LPP: variants seen among roughly 807,000 people sequenced by gnomAD.
LPP encodes the protein LIM domain containing preferred translocation partner in lipoma.
A neutral mutation model predicts 60.4 loss-of-function variants in LPP; 38 were observed. That is an observed-to-expected ratio of 0.63 (90% confidence interval 0.49 to 0.83). The LOEUF (loss-of-function observed/expected upper bound fraction) is 0.83, where lower values mean the gene tolerates loss of function less well. Ranked by LOEUF, LPP falls within the 40% of genes least tolerant of loss-of-function variation. LPP has a pLI of 0.00. For missense variants in LPP, 902 were observed against 783.6 expected (o/e 1.15, Z -1.80); for synonymous variants, 328 against 290.8 (o/e 1.13, Z -1.30).
chr3:188,448,058 A>AT (rs1473120150), intron 4 of LPP, among the ~76,000 whole-genome samples: 1 of 152,192 alleles, frequency 6.6e-6, no homozygotes, highest in African/African-American at 2.4e-5. Context: ...TATAAAGATA[A>AT]TTTTTATAAC....
chr3:188,230,773 C>CAA (rs760774253), intron 2 of LPP, among the ~76,000 whole-genome samples: 142 of 106,478 alleles, frequency 1.3e-3, no homozygotes, highest in Non-Finnish European at 2.0e-3. Flanking sequence ...AACTCTGTCT[C>CAA]AAAAAAAAAA....
chr3:188,850,103 T>C (rs1330410794), intron 9 of LPP, among the ~76,000 whole-genome samples: 1 of 152,218 alleles, frequency 6.6e-6, no homozygotes, highest in African/African-American at 2.4e-5. Flanking sequence ...GAATGAAGTT[T>C]TTAGTTTTTA....
chr3:188,388,107 C>G (rs567981144), intron 3 of LPP, among the ~76,000 whole-genome samples: 3 of 151,916 alleles, frequency 2.0e-5, no homozygotes, highest in Non-Finnish European at 4.4e-5. Flanking sequence ...TGAGTACTTT[C>G]CAATCTTTAG....
chr3:188,552,886 A>T (rs1438104210), intron 6 of LPP, among the ~76,000 whole-genome samples: 1 of 152,144 alleles, frequency 6.6e-6, no homozygotes, highest in Non-Finnish European at 1.5e-5. Context: ...GAGTGTGTAC[A>T]TTCTTGGCGG....
At chr3:188,153,431 T>C (rs952666388), upstream of LPP, 1 of 152,318 alleles carries the variant, frequency 6.6e-6, no homozygotes, top group Non-Finnish European at 1.5e-5. Flanking sequence ...GGGGATTTCA[T>C]GGCTGGATCT....
Position 188,651,957 on chromosome 3 carries a change from T to G in LPP, c.1113+42113T>G, listed in dbSNP as rs536175832. On this transcript the variant is annotated intron_variant, in intron 7 of 11. Coordinates refer to ENST00000617246, the MANE Select transcript of LPP (RefSeq NM_001375462.1). ...TTATCTCCATTTTATTAGTATTTCT[T>G]AAAAGGCTTCATCAAAGCAGTTAAA... Among the ~76,000 whole-genome samples, 3 of 152,224 alleles carry G rather than the reference T, an allele frequency of 2.0e-5. No individual in the cohort carries two copies. In the East Asian group the frequency reaches 5.8e-4, roughly 29 times the overall value.
At chr3:188,464,219 T>A (rs1015596079) in intron 4 of LPP, among the ~76,000 whole-genome samples, 20 of 152,304 alleles carry the variant, frequency 1.3e-4, no homozygotes, top group Admixed American at 1.2e-3. Flanking sequence ...TAGCAAAATA[T>A]TTTTTGGATG....
intron 6 of LPP, among the ~76,000 whole-genome samples, chr3:188,589,663 A>G (rs1222255605): frequency 6.6e-6 from 1 of 152,222 alleles, no homozygotes; most frequent in African/African-American, 2.4e-5. Flanking sequence ...TTACCACTGA[A>G]AACTTGCGAG....
intron 9 of LPP, among the ~76,000 whole-genome samples, chr3:188,779,533 T>C (rs1198714479): frequency 2.6e-5 from 4 of 151,988 alleles, no homozygotes; most frequent in African/African-American, 9.7e-5. Context: ...ACGTGAGCAG[T>C]TTACAAAAGA....
At chr3:188,425,742 G>A (rs1789131893) in intron 4 of LPP, among the ~76,000 whole-genome samples, 1 of 152,094 alleles carries the variant, frequency 6.6e-6, no homozygotes, top group African/African-American at 2.4e-5. Flanking sequence ...GCATATAGGT[G>A]TTTATGGTAT....
At chr3:188,487,673 G>A (rs1023895842) in intron 5 of LPP, among the ~76,000 whole-genome samples, 1 of 152,184 alleles carries the variant, frequency 6.6e-6, no homozygotes, top group Admixed American at 6.5e-5. Context: ...TGTGATAGCG[G>A]CTTGGTCCTG....
intron 5 of LPP, among the ~76,000 whole-genome samples, chr3:188,509,111 C>A (rs1284958800): frequency 1.3e-5 from 2 of 152,126 alleles, no homozygotes; most frequent in Non-Finnish European, 2.9e-5. Flanking sequence ...TATCTTTGGC[C>A]ACCAAAATCT....
At chr3:188,850,784 G>T (rs576140371) in intron 9 of LPP, among the ~76,000 whole-genome samples, 1 of 152,294 alleles carries the variant, frequency 6.6e-6, no homozygotes, top group Admixed American at 6.5e-5. Context: ...TGCCTGGAGT[G>T]CTGAGTTCAG....
chr3:188,508,236 G>A (rs898221723), intron 5 of LPP, among the ~76,000 whole-genome samples: 1 of 152,158 alleles, frequency 6.6e-6, no homozygotes, highest in Admixed American at 6.5e-5. Flanking sequence ...GCAGGATTGT[G>A]ACTTTCTTCA....
At chr3:188,321,054 T>C (rs9831426) in intron 2 of LPP, among the ~76,000 whole-genome samples, 19,899 of 152,268 alleles carry the variant, frequency 0.13, 1,671 homozygotes, top group East Asian at 0.34. Flanking sequence ...GCCATCACAG[T>C]GTCCTGCAGT....
intron 1 of LPP, among the ~76,000 whole-genome samples, chr3:188,212,182 C>T (rs376394083): frequency 1.6e-4 from 24 of 152,238 alleles, no homozygotes; most frequent in African/African-American, 4.1e-4. Context: ...TTGAGACTCA[C>T]CTGCCATCAT....
chr3:188,207,433 G>A (rs1236708541), intron 1 of LPP, among the ~76,000 whole-genome samples: 1 of 151,304 alleles, frequency 6.6e-6, no homozygotes, highest in East Asian at 1.9e-4. Context: ...GGTTTCACCA[G>A]GTTGGCCATG....
chr3:188,534,513 T>A (rs534872208), intron 6 of LPP, among the ~76,000 whole-genome samples: 1 of 152,244 alleles, frequency 6.6e-6, no homozygotes, highest in East Asian at 1.9e-4. Flanking sequence ...TGTTTAAATA[T>A]CTATTTTGGT....
chr3:188,438,034 T>C (rs1792780635), intron 4 of LPP, among the ~76,000 whole-genome samples: 1 of 152,174 alleles, frequency 6.6e-6, no homozygotes, highest in Non-Finnish European at 1.5e-5. Flanking sequence ...GCTATTTTTC[T>C]TGGCCACACT....
Sources: allele counts gnomAD v4.1 joint callset (sites outside exome capture counted in the v4.1 genomes callset), GRCh38; gene constraint gnomAD v4.1.1; transcripts MANE v1.5; gene names NCBI Gene and HGNC (gene_info 2026-07-23, HGNC 2026-07-21).